MYO10: variants seen among roughly 807,000 people sequenced by gnomAD.
MYO10 encodes the protein myosin X, also known as unconventional myosin-X.
Under a neutral mutation model 257.3 loss-of-function variants are expected in MYO10, and 133 were observed. The observed-to-expected ratio is 0.52, with a 90% CI of 0.45 to 0.60. MYO10 has a LOEUF of 0.60. Among genes scored for constraint, MYO10 ranks in the 20% least tolerant of loss-of-function variants. The probability of loss-of-function intolerance (pLI) is 0.00; values close to 1 mark genes in which losing one functional copy is unlikely to be tolerated. For missense variants in MYO10, 2,399 were observed against 2,635.7 expected (o/e 0.91, Z 1.97); for synonymous variants, 1,104 against 1,028.6 (o/e 1.07, Z -1.40).
intron 21 of MYO10, among the ~76,000 whole-genome samples, chr5:16,709,491 T>G (rs1005104053): frequency 1.3e-5 from 2 of 152,310 alleles, no homozygotes; most frequent in Non-Finnish European, 2.9e-5. Context: ...TGAGCTGCCA[T>G]GTGTCAAGGA....
At chr5:16,742,334 T>G in intron 19 of MYO10, 1 of 749,124 alleles carries the variant, frequency 1.3e-6, no homozygotes, top group Non-Finnish European at 1.6e-6. Flanking sequence ...ACTGAGGGCT[T>G]TACTGGGATT....
intron 19 of MYO10, among the ~76,000 whole-genome samples, chr5:16,714,697 C>T (rs966036628): frequency 2.0e-5 from 3 of 152,200 alleles, no homozygotes; most frequent in South Asian, 4.1e-4. Context: ...GTGGCGGGCG[C>T]CTGCAGTCCC....
chr5:16,799,596 G>A (rs1028047702), intron 3 of MYO10, among the ~76,000 whole-genome samples: 1 of 151,818 alleles, frequency 6.6e-6, no homozygotes, highest in Non-Finnish European at 1.5e-5. Flanking sequence ...GTGTTCAAGC[G>A]ATTCTCCTGT....
chr5:16,893,633 CAAA>C (rs58021066), intron 1 of MYO10, among the ~76,000 whole-genome samples: 12 of 57,204 alleles, frequency 2.1e-4, no homozygotes, highest in African/African-American at 3.7e-4. Context: ...GACTCTGTCT[CAAA>C]AAAAAAAAAA....
Position 16,701,397 on chromosome 5 carries a change from C to A in MYO10, c.2998G>T (p.Asp1000Tyr), listed in dbSNP as rs769244756. The change falls in exon 25 of 41, where the codon GAC becomes TAC. Residue 1000 changes from aspartate to tyrosine, a missense_variant. Coordinates refer to ENST00000513610, the MANE Select transcript of MYO10 (RefSeq NM_012334.3). The surrounding 1 kb of genome is among the most constrained non-coding windows in gnomAD (Gnocchi z 8.1). ...GGGGAGTCCTTGAAGGCGTCGTCGTCGGCTTCGAAGCCCTCATCGACCTCC... is the reference window on the plus strand; with the variant it reads ...GGGGAGTCCTTGAAGGCGTCGTCGTAGGCTTCGAAGCCCTCATCGACCTCC... ...EEEVDEGFEA[D>Y]DDAFKDSPNP... 1 of 1,613,994 alleles carries A rather than the reference C, an allele frequency of 6.2e-7. No homozygotes were observed.
At chr5:16,793,497 AT>A (rs1741833261) in intron 4 of MYO10, among the ~76,000 whole-genome samples, 2 of 151,998 alleles carry the variant, frequency 1.3e-5, no homozygotes, top group Admixed American at 6.6e-5. Flanking sequence ...CTGATTTTGC[AT>A]TTTTAGTAGA....
intron 2 of MYO10, among the ~76,000 whole-genome samples, chr5:16,853,799 T>C (rs989476252): frequency 1.3e-5 from 2 of 152,198 alleles, no homozygotes; most frequent in Non-Finnish European, 2.9e-5. Flanking sequence ...CCACACTGTC[T>C]ACGTAAGTGT....
chr5:16,724,387 C>T (rs570919790), intron 19 of MYO10, among the ~76,000 whole-genome samples: 2 of 152,060 alleles, frequency 1.3e-5, no homozygotes, highest in Non-Finnish European at 2.9e-5. Context: ...TGCAAGAAAA[C>T]CTAAACAAAA....
rs551494152 is a variant in MYO10 at position 16,761,725 on chromosome 5, A to T, written c.1657-179T>A. Among the ~76,000 whole-genome samples the T allele has an allele frequency of 2.0e-5, 3 of 152,238 alleles. No individual in the cohort carries two copies. In the South Asian group the frequency reaches 6.2e-4, roughly 32 times the overall value. ...AAGTGCAGTGACGTGATCATAGCTCATGCAGCCTCAAATTCCTATGCCCAA... is the reference window on the plus strand; with the variant it reads ...AAGTGCAGTGACGTGATCATAGCTCTTGCAGCCTCAAATTCCTATGCCCAA... On this transcript the variant is annotated intron_variant, in intron 16 of 40. Coordinates refer to ENST00000513610, the MANE Select transcript of MYO10 (RefSeq NM_012334.3).
rs931604480 is a variant in MYO10, at chr5:16,678,542, C to T, written c.4542+1405G>A. Reference sequence around the variant, plus strand: ...TTGCAGTGAGCTGAGATCGCACTACCGCACTCCAGCCTGGGTGACAAGCAA... The same window carrying T: ...TTGCAGTGAGCTGAGATCGCACTACTGCACTCCAGCCTGGGTGACAAGCAA... On this transcript the variant is annotated intron_variant, in intron 33 of 40. Transcript: ENST00000513610. 7.7e-4 allele frequency among the ~76,000 whole-genome samples: 117 copies of T among 152,072 alleles called. 2 individuals carry two copies. The highest frequency in any genetic ancestry group is 1.4e-3 in the Non-Finnish European group (92 of 68,002).
intron 1 of MYO10, among the ~76,000 whole-genome samples, chr5:16,888,976 T>G (rs990379252): frequency 6.6e-6 from 1 of 151,982 alleles, no homozygotes; most frequent in Non-Finnish European, 1.5e-5. Flanking sequence ...AGTTTGAGAC[T>G]AGCCTGGGCA....
At chr5:16,796,991 A>AAAC (rs2067197) in intron 3 of MYO10, among the ~76,000 whole-genome samples, 80,642 of 151,736 alleles carry the variant, frequency 0.53, 21,626 homozygotes, top group South Asian at 0.65. Context: ...GGGTAACAAA[A>AAAC]AACAAGAAAA....
chr5:16,763,492 A>C lies in MYO10; in HGVS notation c.1483T>G (p.Leu495Val). The change falls in exon 14 of 41, where the codon TTG becomes GTG. Residue 495 changes from leucine to valine, a missense_variant. Physicochemically the swap from Leu to Val is conservative, Grantham distance 32 (BLOSUM62 1). Coordinates refer to ENST00000513610, the MANE Select transcript of MYO10 (RefSeq NM_012334.3). ...CAAAAATACATTACCTTCTCAATCA[A>C]GTCCAGGCATTCTCCATTGTCTATC... Reference protein sequence around the residue: ...DWIDNGECLDLIEKKLGLLAL... With the variant: ...DWIDNGECLDVIEKKLGLLAL... The C allele has an allele frequency of 1.2e-6, 2 of 1,611,610 alleles. No individual in the cohort carries two copies. Among genetic ancestry groups the C allele is most frequent in the Non-Finnish European group, 1.7e-6 (2 of 1,177,750 alleles).
chr5:16,911,756 G>T (rs1745662941), intron 1 of MYO10, among the ~76,000 whole-genome samples: 1 of 151,964 alleles, frequency 6.6e-6, no homozygotes, highest in Non-Finnish European at 1.5e-5. Context: ...AACAAAAATT[G>T]GCCAGCCGCG....
Position 16,935,933 on chromosome 5 carries a change from C to T in MYO10, c.-125G>A. On this transcript the variant is annotated 5_prime_UTR_variant, in exon 1 of 41. Coordinates refer to ENST00000513610, the MANE Select transcript of MYO10 (RefSeq NM_012334.3). ...CCGAGGACGCGCGCCCGCGGGGCTC[C>T]CCTGCTGCCATCGCCCGGTCCCTTC... 1.7e-6 allele frequency: 2 copies of T among 1,185,822 alleles called. No homozygotes were observed. Among genetic ancestry groups the T allele is most frequent in the East Asian group, 2.6e-5 (1 of 38,908 alleles). 73.5% of individuals were successfully genotyped at this position (1,185,822 alleles called of 1,614,324 possible).
intron 19 of MYO10, among the ~76,000 whole-genome samples, chr5:16,723,925 C>A (rs1739255268): frequency 1.3e-5 from 2 of 152,096 alleles, no homozygotes; most frequent in Admixed American, 1.3e-4. Context: ...GACAGTAGAA[C>A]AATCAGTGGT....
chr5:16,681,489 C>G lies in MYO10; in HGVS notation c.4204G>C (p.Glu1402Gln). ...EFIVRGWLHK[E>Q]VKNSPKMSSL... is the part of the protein sequence containing the mutation. ...GACATCTTTGGACTGTTCTTCACCT[C>G]TTTGTGCAACCATCCTGGAAAAAAA... The change falls in exon 32 of 41, where the codon GAG becomes CAG. Residue 1402 changes from glutamate (E) to glutamine (Q), a missense_variant. Physicochemically the swap from Glu to Gln is conservative, Grantham distance 29. Coordinates refer to ENST00000513610, the MANE Select transcript of MYO10 (RefSeq NM_012334.3). 2 of 1,601,438 alleles carry G rather than the reference C, an allele frequency of 1.2e-6. No individual in the cohort carries two copies. Among genetic ancestry groups the G allele is most frequent in the Non-Finnish European group, 8.5e-7 (1 of 1,176,776 alleles).
intron 2 of MYO10, among the ~76,000 whole-genome samples, chr5:16,832,087 C>T (rs1241467218): frequency 6.6e-6 from 1 of 152,106 alleles, no homozygotes; most frequent in Non-Finnish European, 1.5e-5. Context: ...GCTGGGACTA[C>T]AGGCGCATGC....
In MYO10 at chr5:16,893,648, A is replaced by AAAAAAAAG. The variant is rs1554006833; in HGVS notation, c.22-15942_22-15941insCTTTTTTT. Reference sequence around the variant, plus strand: ...GACTCTGTCTCAAAAAAAAAAAAAAAAAAAGAAAATTATTTCCCTCCTACA... The same window carrying AAAAAAAAG: ...GACTCTGTCTCAAAAAAAAAAAAAAAAAAAAAAGAAAAGAAAATTATTTCCCTCCTACA... On this transcript the variant is annotated intron_variant, in intron 1 of 40. Transcript: ENST00000513610. Among the ~76,000 whole-genome samples, 2 of 146,820 alleles carry AAAAAAAAG rather than the reference A, an allele frequency of 1.4e-5. 1 individual carries two copies. Among genetic ancestry groups the AAAAAAAAG allele is most frequent in the East Asian group, 4.0e-4 (2 of 5,002 alleles).
Sources: allele counts gnomAD v4.1 joint callset (sites outside exome capture counted in the v4.1 genomes callset), GRCh38; gene constraint gnomAD v4.1.1; non-coding constraint Gnocchi (gnomAD v3.1); transcripts MANE v1.5; gene names NCBI Gene and HGNC (gene_info 2026-07-23, HGNC 2026-07-21).